ZNF316: variants seen among roughly 807,000 people sequenced by gnomAD.
ZNF316 encodes zinc finger protein 316.
Under a neutral mutation model 75.6 loss-of-function variants are expected in ZNF316, and 23 were observed. The ratio of observed to expected loss-of-function variants is 0.30; its 90% CI spans 0.22 to 0.43. ZNF316 has a LOEUF of 0.43. ZNF316 is among the 20% of genes least tolerant of loss of function. The pLI is 1.00. For synonymous variants in ZNF316, 827 were observed against 666.2 expected, an observed-to-expected ratio of 1.24 and a Z score of -3.72; for missense variants, 1,266 against 1,409.4, an observed-to-expected ratio of 0.90 and a Z score of 1.63.
In ZNF316 at chr7:6,655,581, A is replaced by G. The variant is rs1310880899; in HGVS notation, c.*970A>G. On this transcript the variant is annotated 3_prime_UTR_variant, in exon 9 of 9. Transcript: ENST00000382252. The stretch of plus-strand genomic sequence containing the variant: ...GGCAGACGCCCCGTTCTCGGAGCCC[A>G]GCGCTCACTTAGAGCGACTGAGGTT... 1 of 152,228 alleles carries G rather than the reference A, an allele frequency of 6.6e-6. No individual in the cohort carries two copies. Among genetic ancestry groups the G allele is most frequent in the Non-Finnish European group, 1.5e-5 (1 of 68,058 alleles). 9.4% of individuals were successfully genotyped at this position (152,228 alleles called of 1,614,324 possible). A position where few individuals can be genotyped will look rare whatever the true frequency, so the allele number is the denominator to read the frequency against.
chr7:6,642,855 C>A lies in ZNF316; in HGVS notation c.355+91C>A. On this transcript the variant is annotated intron_variant, in intron 5 of 8. Coordinates refer to ENST00000382252, the MANE Select transcript of ZNF316 (RefSeq NM_001278559.2). This position sits in a 1 kb window ranked among gnomAD's most constrained non-coding sequence, Gnocchi z 8.1. ...GGTCAAGCCAGGAGGGCTCTTGGGC[C>A]GACAGGGTGGAGCTGAAACCCAGCT... 8.1e-7 allele frequency: 1 copy of A among 1,229,100 alleles called. No individual in the cohort carries two copies. Among genetic ancestry groups the A allele is most frequent in the Non-Finnish European group, 1.0e-6 (1 of 985,374 alleles). The allele number at this position is 1,229,100 out of a possible 1,614,324, so 76.1% of individuals were successfully genotyped here. A position where few individuals can be genotyped will look rare whatever the true frequency, so the allele number is the denominator to read the frequency against.
Position 6,653,588 on chromosome 7 carries a change from C to T in ZNF316, c.1992C>T (p.Gly664=), listed in dbSNP as rs1012729391. The change falls in exon 9 of 9, where the codon GGC becomes GGT. Residue 664 remains glycine, a synonymous_variant. Transcript: ENST00000382252. ...GCGGGGCCGCGGGCGGCGGAGGCGG[C>T]CTGCGCGCGTTCGGGCCCGCCATCG... is the stretch of plus-strand genomic sequence containing the variant. ...GGGGAAGGGG[G]LRAFGPAIGG... The T allele has an allele frequency of 4.0e-5, 43 of 1,074,388 alleles. No homozygotes were observed. The highest frequency in any genetic ancestry group is 8.5e-4 in the Middle Eastern group (2 of 2,350). The allele number at this position is 1,074,388 out of a possible 1,614,324, so 66.6% of individuals were successfully genotyped here.
Position 6,643,019 on chromosome 7 carries a change from G to A in ZNF316, c.411G>A (p.Glu137=). Residue 137 remains glutamate (E), a synonymous_variant, in exon 6 of 9, where the codon GAG becomes GAA. Coordinates refer to ENST00000382252, the MANE Select transcript of ZNF316 (RefSeq NM_001278559.2). ...CTAGGGATGAGGACCTGGAGGAGGA[G>A]GAAGAGGAGGAGGAGGATGAGGACG... ...ATPRDEDLEE[E]EEEEEDEDED... 8.1e-7 allele frequency: 1 copy of A among 1,239,964 alleles called. No homozygotes were observed. Among genetic ancestry groups the A allele is most frequent in the Non-Finnish European group, 1.0e-6 (1 of 992,968 alleles). The allele number at this position is 1,239,964 out of a possible 1,614,324, so 76.8% of individuals were successfully genotyped here.
chr7:6,654,606 C>G lies in ZNF316; in HGVS notation c.3010C>G (p.Leu1004Val). 1 of 1,185,768 alleles carries G rather than the reference C, an allele frequency of 8.4e-7. No individual in the cohort carries two copies. Among genetic ancestry groups the G allele is most frequent in the Non-Finnish European group, 1.0e-6 (1 of 958,312 alleles). 73.5% of individuals were successfully genotyped at this position (1,185,768 alleles called of 1,614,324 possible). Residue 1004 changes from leucine (L) to valine (V), a missense_variant, in exon 9 of 9, where the codon CTG (leucine) becomes GTG (valine). Around this residue, in one of 3 missense-constraint regions of ZNF316, gnomAD observed 111 missense variants for 99.2 expected, o/e 1.12. Transcript: ENST00000382252. ...GPSGAYREGV[L>V] Reference sequence around the variant, plus strand: ...CTCGGGCGCCTACCGGGAGGGCGTCCTGTGAGGGGCCCGGGGCCGACAGCA... The same window carrying G: ...CTCGGGCGCCTACCGGGAGGGCGTCGTGTGAGGGGCCCGGGGCCGACAGCA...
At position 6,654,558 on chromosome 7, in the gene ZNF316, C is replaced by G. The variant is rs1779582386; in HGVS notation, c.2962C>G (p.His988Asp). The change falls in exon 9 of 9, where the codon CAC becomes GAC. Residue 988 changes from histidine (H) to aspartate (D), a missense_variant. Around this residue, in one of 3 missense-constraint regions of ZNF316, gnomAD observed 111 missense variants for 99.2 expected, o/e 1.12. Coordinates refer to ENST00000382252, the MANE Select transcript of ZNF316 (RefSeq NM_001278559.2). ...GGGCGGCACAAGCTTCGGCTCCGAG[C>G]ACCAGGCCGCGTTCGCCGGGCCCTC... Reference protein sequence around the residue: ...FAGGTSFGSEHQAAFAGPSGA... With the variant: ...FAGGTSFGSEDQAAFAGPSGA... 1.0e-5 allele frequency: 12 copies of G among 1,187,222 alleles called. No homozygotes were observed. The highest frequency in any genetic ancestry group is 1.1e-5 in the Non-Finnish European group (11 of 959,474). The allele number at this position is 1,187,222 out of a possible 1,614,324, so 73.5% of individuals were successfully genotyped here.
intron 8 of ZNF316, among the ~76,000 whole-genome samples, chr7:6,648,220 G>C (rs1359906361): frequency 6.6e-6 from 1 of 152,146 alleles, no homozygotes; most frequent in East Asian, 1.9e-4. Context: ...GTGTGGGCTG[G>C]AGGGTGCCCC....
chr7:6,648,008 G>C (rs1256965515), intron 8 of ZNF316, among the ~76,000 whole-genome samples: 1 of 152,220 alleles, frequency 6.6e-6, no homozygotes, highest in Non-Finnish European at 1.5e-5. Flanking sequence ...GTTGGCCCCT[G>C]GGATCACCAC....
chr7:6,652,228 C>T (rs1779519313), intron 8 of ZNF316, 75 bp from the exon 9 acceptor site: 11 of 1,223,038 alleles, frequency 9.0e-6, no homozygotes, highest in East Asian at 3.2e-5. Flanking sequence ...CCTGATTTCT[C>T]GGGACAGGAA....
intron 8 of ZNF316, among the ~76,000 whole-genome samples, chr7:6,648,671 G>A (rs1041414783): frequency 6.6e-6 from 1 of 152,182 alleles, no homozygotes; most frequent in Non-Finnish European, 1.5e-5. Flanking sequence ...TCATAGGAGT[G>A]GAATTCACAC....
intron 8 of ZNF316, among the ~76,000 whole-genome samples, chr7:6,649,127 G>A (rs149691858): frequency 1.3e-5 from 2 of 152,304 alleles, no homozygotes; most frequent in Admixed American, 6.5e-5. Flanking sequence ...TACTCTGGAA[G>A]CTTCTCCCTC....
chr7:6,651,580 G>C (rs1779507925), intron 8 of ZNF316, among the ~76,000 whole-genome samples: 1 of 152,092 alleles, frequency 6.6e-6, no homozygotes, highest in Non-Finnish European at 1.5e-5. Context: ...GCTTGAACCT[G>C]GGAGGTGGAG....
rs897709917 is a variant in ZNF316 at position 6,653,474 on chromosome 7, G to C, written c.1878G>C (p.Pro626=). The change falls in exon 9 of 9, where the codon CCG becomes CCC. Residue 626 remains proline (P), a synonymous_variant. Transcript: ENST00000382252. ...TACCCGACTTCCGAGAGCGGCTGCC[G>C]GTCGACGGGCGCCCGCTCCCGGCGC... ...LGLPDFRERL[P]VDGRPLPAPL... 4.1e-6 allele frequency: 5 copies of C among 1,226,312 alleles called. No individual in the cohort carries two copies. Among genetic ancestry groups the C allele is most frequent in the Non-Finnish European group, 4.1e-6 (4 of 984,854 alleles). 76.0% of individuals were successfully genotyped at this position (1,226,312 alleles called of 1,614,324 possible).
intron 8 of ZNF316, among the ~76,000 whole-genome samples, chr7:6,651,574 G>A (rs1024882506): frequency 6.6e-6 from 1 of 151,792 alleles, no homozygotes; most frequent in African/African-American, 2.4e-5. Context: ...AGAATTGCTT[G>A]AACCTGGGAG....
At chr7:6,647,795 C>A (rs540034973) in intron 8 of ZNF316, among the ~76,000 whole-genome samples, 1 of 152,180 alleles carries the variant, frequency 6.6e-6, no homozygotes, top group Non-Finnish European at 1.5e-5. Flanking sequence ...TGGGCTACAC[C>A]GAGCAGCATC....
At chr7:6,646,180 C>T (rs1779399840) in intron 8 of ZNF316, among the ~76,000 whole-genome samples, 1 of 152,060 alleles carries the variant, frequency 6.6e-6, no homozygotes, top group South Asian at 2.1e-4. Context: ...TCATTGAGGC[C>T]TGCCAGTCCC....
chr7:6,644,009 G>A (rs12669635), intron 7 of ZNF316, 61 bp downstream of exon 7: 1 of 1,229,912 alleles, frequency 8.1e-7, no homozygotes, highest in East Asian at 3.2e-5. Flanking sequence ...CAGGGTCTTA[G>A]CTGTCTGACG....
At position 6,654,911 on chromosome 7, in the gene ZNF316, G is replaced by T; in HGVS notation, c.*300G>T. The T allele has an allele frequency of 4.8e-6, 1 of 210,310 alleles. No individual in the cohort carries two copies. The highest frequency in any genetic ancestry group is 9.5e-6 in the Non-Finnish European group (1 of 105,456). The allele number at this position is 210,310 out of a possible 1,614,324, so 13.0% of individuals were successfully genotyped here. On this transcript the variant is annotated 3_prime_UTR_variant, in exon 9 of 9. Transcript: ENST00000382252. ...GGGCTGTGAAGCAGGGCGGTAGTTGGCGGGCGATGCTATTTATTTCACTCG... is the reference window on the plus strand; with the variant it reads ...GGGCTGTGAAGCAGGGCGGTAGTTGTCGGGCGATGCTATTTATTTCACTCG...
rs1392951381 is a variant in ZNF316 at position 6,641,873 on chromosome 7, C to T, written c.-118C>T. 6.6e-6 allele frequency: 1 copy of T among 152,462 alleles called. No individual in the cohort carries two copies. The highest frequency in any genetic ancestry group is 1.5e-5 in the Non-Finnish European group (1 of 68,216). The allele number at this position is 152,462 out of a possible 1,614,324, so 9.4% of individuals were successfully genotyped here. A position where few individuals can be genotyped will look rare whatever the true frequency, so the allele number is the denominator to read the frequency against. On this transcript the variant is annotated 5_prime_UTR_variant, in exon 4 of 9. Coordinates refer to ENST00000382252, the MANE Select transcript of ZNF316 (RefSeq NM_001278559.2). ...CCTGGCACCTGTCTCTCCTCCTAGC[C>T]CCGTTGTGCCTTGCAAGTGCCTGCA...
At chr7:6,647,203 G>T (rs1562581294) in intron 8 of ZNF316, among the ~76,000 whole-genome samples, 1 of 152,122 alleles carries the variant, frequency 6.6e-6, no homozygotes, top group Non-Finnish European at 1.5e-5. Context: ...GCCCTTCTGA[G>T]GTCACCTGCC....
Sources: allele counts gnomAD v4.1 joint callset (sites outside exome capture counted in the v4.1 genomes callset), GRCh38; gene constraint gnomAD v4.1.1; regional missense constraint gnomAD v4.1.1; non-coding constraint Gnocchi (gnomAD v3.1); transcripts MANE v1.5; gene names NCBI Gene and HGNC (gene_info 2026-07-23, HGNC 2026-07-21).